The following TEX264 variants were observed in gnomAD, a reference collection of about 807,000 sequenced individuals.
TEX264 encodes testis-expressed protein 264.
TEX264 carries 13 observed loss-of-function variants against 23.4 expected under a neutral mutation model. The observed-to-expected ratio is 0.56, with a 90% CI of 0.36 to 0.88. The LOEUF is 0.88. Among genes scored for constraint, TEX264 ranks in the 40% least tolerant of loss-of-function variants. TEX264 has a pLI of 0.01. For synonymous variants in TEX264, 159 were observed against 170.0 expected, an observed-to-expected ratio of 0.94 and a Z score of 0.50; for missense variants, 340 against 406.8, an observed-to-expected ratio of 0.84 and a Z score of 1.41.
At chr3:51,693,264 G>A (rs549558378) in intron 3 of TEX264, among the ~76,000 whole-genome samples, 6 of 152,244 alleles carry the variant, frequency 3.9e-5, no homozygotes, top group African/African-American at 9.6e-5. Context: ...GGCAGCAGGC[G>A]CAGCAGGCTG....
chr3:51,679,773 G>A lies in TEX264; in HGVS notation c.259-4640G>A, dbSNP rs79096402. 6.6e-3 allele frequency among the ~76,000 whole-genome samples: 1,009 copies of A among 152,256 alleles called. 9 individuals are homozygous for A. The highest frequency in any genetic ancestry group is 0.011 in the Non-Finnish European group (749 of 68,022). Reference sequence around the variant, plus strand: ...GGGTTATAGAGGAAGGTTCCTGAAAGGTTTCTAAGTAAACTCACCTTTGAG... The same window carrying A: ...GGGTTATAGAGGAAGGTTCCTGAAAAGTTTCTAAGTAAACTCACCTTTGAG... On this transcript the variant is annotated intron_variant, in intron 2 of 4. Transcript: ENST00000341333.
chr3:51,684,279 C>G (rs976492129), intron 2 of TEX264, 134 bp from the exon 3 acceptor site: 15 of 751,594 alleles, frequency 2.0e-5, no homozygotes, highest in Non-Finnish European at 3.1e-5. Flanking sequence ...TAGCTGTGTC[C>G]TGGTATCTGG....
At chr3:51,673,322 G>A (rs1420734050) in intron 1 of TEX264, among the ~76,000 whole-genome samples, 1 of 152,170 alleles carries the variant, frequency 6.6e-6, no homozygotes. Context: ...CAAGCCCTCT[G>A]TGTAAGAGGG....
chr3:51,699,136 G>A (rs948548451), intron 3 of TEX264, among the ~76,000 whole-genome samples: 3 of 152,184 alleles, frequency 2.0e-5, no homozygotes, highest in African/African-American at 7.2e-5. Context: ...ACATAGGAGA[G>A]CAGTGCCAGG....
intron 3 of TEX264, among the ~76,000 whole-genome samples, chr3:51,698,470 G>T (rs1253726153): frequency 2.6e-5 from 4 of 151,894 alleles, no homozygotes; most frequent in African/African-American, 9.7e-5. Flanking sequence ...AAGGTGGCGG[G>T]GCAGGCTCTG....
chr3:51,677,617 G>A (rs1402586401), intron 2 of TEX264, among the ~76,000 whole-genome samples: 4 of 152,264 alleles, frequency 2.6e-5, no homozygotes, highest in South Asian at 4.1e-4. Flanking sequence ...GAGGTGTGAC[G>A]GACAGCTCCC....
intron 4 of TEX264, among the ~76,000 whole-genome samples, chr3:51,700,663 C>G (rs1238990391): frequency 6.6e-6 from 1 of 152,106 alleles, no homozygotes; most frequent in Non-Finnish European, 1.5e-5. Flanking sequence ...CCTCTGCTGC[C>G]TGCCTCCCCC....
At chr3:51,696,161 A>G (rs192881367) in intron 3 of TEX264, among the ~76,000 whole-genome samples, 22 of 152,240 alleles carry the variant, frequency 1.4e-4, no homozygotes, top group Admixed American at 1.4e-3. Context: ...TGGGTTTGTT[A>G]GATGGCCAGT....
chr3:51,702,452 G>C (rs1577539780), intron 4 of TEX264, among the ~76,000 whole-genome samples: 1 of 152,192 alleles, frequency 6.6e-6, no homozygotes, highest in East Asian at 1.9e-4. Context: ...GGGGCTGAGT[G>C]GGTGGTGGGG....
chr3:51,699,378 A>G (rs370224472), intron 3 of TEX264, 28 bp from the exon 4 acceptor site: 1 of 1,610,652 alleles, frequency 6.2e-7, no homozygotes, highest in African/African-American at 1.3e-5. Flanking sequence ...TGTAGGGCTC[A>G]TTCTACCTTT....
intron 3 of TEX264, among the ~76,000 whole-genome samples, chr3:51,694,038 C>G (rs1351810919): frequency 7.3e-6 from 1 of 137,814 alleles, no homozygotes; most frequent in Non-Finnish European, 1.6e-5. Context: ...TTCCTTCCTT[C>G]CTTCCTTCCT....
At chr3:51,698,436 G>A (rs1703154349) in intron 3 of TEX264, among the ~76,000 whole-genome samples, 1 of 152,176 alleles carries the variant, frequency 6.6e-6, no homozygotes, top group Admixed American at 6.5e-5. Flanking sequence ...TCATCATAGT[G>A]GGTATTTGTG....
At position 51,703,621 on chromosome 3, in the gene TEX264, G is replaced by A; in HGVS notation, c.650-103G>A. On this transcript the variant is annotated intron_variant, in intron 4 of 4. Coordinates refer to ENST00000341333, the MANE Select transcript of TEX264 (RefSeq NM_015926.6). This position sits in a 1 kb window ranked among gnomAD's most constrained non-coding sequence, Gnocchi z 4.8. Reference sequence around the variant, plus strand: ...GCTGGAGCAAGCCCCCTGAGCCCGGGAGGCTGCATTATTCATGAGTGCACT... The same window carrying A: ...GCTGGAGCAAGCCCCCTGAGCCCGGAAGGCTGCATTATTCATGAGTGCACT... 1.0e-5 allele frequency: 13 copies of A among 1,240,842 alleles called. No homozygotes were observed. Among genetic ancestry groups the A allele is most frequent in the Middle Eastern group, 2.8e-4 (1 of 3,586 alleles). 76.9% of individuals were successfully genotyped at this position (1,240,842 alleles called of 1,614,324 possible).
At chr3:51,692,038 C>T (rs1702848027) in intron 3 of TEX264, among the ~76,000 whole-genome samples, 1 of 152,198 alleles carries the variant, frequency 6.6e-6, no homozygotes, top group Non-Finnish European at 1.5e-5. Context: ...ACCTCCCTCC[C>T]TTCCCCCAGG....
At chr3:51,679,269 A>G (rs895444586) in intron 2 of TEX264, among the ~76,000 whole-genome samples, 5 of 152,128 alleles carry the variant, frequency 3.3e-5, no homozygotes, top group Non-Finnish European at 7.3e-5. Flanking sequence ...ATTGATAATG[A>G]TATGGCCCAA....
At chr3:51,677,541 C>T (rs1438809733) in intron 2 of TEX264, among the ~76,000 whole-genome samples, 1 of 152,156 alleles carries the variant, frequency 6.6e-6, no homozygotes, top group African/African-American at 2.4e-5. Flanking sequence ...GTGTCAGGCT[C>T]TGTGAGTGGG....
chr3:51,693,476 G>GTTTTTTT, intron 3 of TEX264, among the ~76,000 whole-genome samples: 1 of 121,726 alleles, frequency 8.2e-6, no homozygotes, highest in Non-Finnish European at 1.7e-5. Flanking sequence ...TTTCCATTAT[G>GTTTTTTT]TTTTTTTTTT....
At chr3:51,693,476 G>GTTTT (rs766273698) in intron 3 of TEX264, among the ~76,000 whole-genome samples, 10 of 121,718 alleles carry the variant, frequency 8.2e-5, no homozygotes, top group South Asian at 2.7e-4. Flanking sequence ...TTTCCATTAT[G>GTTTT]TTTTTTTTTT....
chr3:51,676,706 A>G (rs1251813284), intron 2 of TEX264, among the ~76,000 whole-genome samples: 2 of 152,226 alleles, frequency 1.3e-5, no homozygotes, highest in African/African-American at 2.4e-5. Context: ...GTTAAGTGAT[A>G]TAGGTGAGGC....
Sources: gnomAD v4.1 joint callset for allele counts (sites outside exome capture counted in the v4.1 genomes callset) on GRCh38, gnomAD v4.1.1 for gene constraint, Gnocchi (gnomAD v3.1) non-coding constraint, MANE v1.5 for transcripts, NCBI Gene and HGNC (gene_info 2026-07-23, HGNC 2026-07-21) for gene names.